BRWD3: variants seen among roughly 807,000 people sequenced by gnomAD.
The protein encoded by BRWD3 is bromodomain and WD repeat domain containing 3.
A neutral mutation model predicts 149.7 loss-of-function variants in BRWD3; 10 were observed. That is an observed-to-expected ratio of 0.07 (90% confidence interval 0.04 to 0.11). The LOEUF is 0.11. Ranked by LOEUF, BRWD3 falls within the 10% of genes least tolerant of loss-of-function variation. BRWD3 has a pLI of 1.00. For missense variants in BRWD3, 940 were observed against 1,373.2 expected (o/e 0.68, Z 4.99); for synonymous variants, 504 against 456.7 (o/e 1.10, Z -1.32).
At chrX:80,726,028 T>C (rs1026433402) in intron 14 of BRWD3, among the ~76,000 whole-genome samples, 4 of 93,751 alleles carry the variant, frequency 4.3e-5, no homozygotes, top group African/African-American at 2.1e-4. Context: ...CTATATAACA[T>C]ATAACATGTT....
intron 4 of BRWD3, among the ~76,000 whole-genome samples, chrX:80,798,716 G>C (rs1253538819): frequency 9.0e-6 from 1 of 111,183 alleles, no homozygotes; most frequent in Non-Finnish European, 1.9e-5. Context: ...AGGATCACTT[G>C]AGGCCAAGAG....
chrX:80,742,583 T>G (rs1409552871), intron 8 of BRWD3, among the ~76,000 whole-genome samples: 13 of 110,220 alleles, frequency 1.2e-4, no homozygotes, highest in Admixed American at 1.9e-4. Context: ...TGAGCAGTGG[T>G]TTGCAGTTCT....
chrX:80,674,070 G>T lies in BRWD3; in HGVS notation c.*2539C>A, dbSNP rs1430735760. The stretch of plus-strand genomic sequence containing the variant: ...ATTTTCACACTTATTAAAATAATTT[G>T]CATGCAAACAGAAAATTATCTGTTT... On this transcript the variant is annotated 3_prime_UTR_variant, in exon 41 of 41. Transcript: ENST00000373275. 2.7e-5 allele frequency: 3 copies of T among 111,373 alleles called. No individual in the cohort carries two copies. Among genetic ancestry groups the T allele is most frequent in the African/African-American group, 9.8e-5 (3 of 30,716 alleles). 9.2% of individuals were successfully genotyped at this position (111,373 alleles called of 1,213,427 possible). A position where few individuals can be genotyped will look rare whatever the true frequency, so the allele number is the denominator to read the frequency against.
Position 80,722,707 on chromosome X carries a change from G to A in BRWD3, c.1731C>T (p.Thr577=). 8.3e-7 allele frequency: 1 copy of A among 1,210,488 alleles called. No homozygotes were observed. The highest frequency in any genetic ancestry group is 1.1e-6 in the Non-Finnish European group (1 of 894,432). ...DANNYVLDEQ[T]QQAPHLMPPP... ...GAGGCATGAGGTGAGGAGCTTGTTGGGTTTGTTCATCCAATACATAGTTAT... is the reference window on the plus strand; with the variant it reads ...GAGGCATGAGGTGAGGAGCTTGTTGAGTTTGTTCATCCAATACATAGTTAT... The change falls in exon 17 of 41, where the codon ACC becomes ACT. Residue 577 remains threonine, a synonymous_variant. Coordinates refer to ENST00000373275, the MANE Select transcript of BRWD3 (RefSeq NM_153252.5).
rs200718968 is a variant in BRWD3, at chrX:80,698,601, C to T, written c.2943+1356G>A. ...GTGGGTGCATGTAATCCCAGTTACTCGAGAGGCTGAGGCAGGAGAATTTCT... is the reference window on the plus strand; with the variant it reads ...GTGGGTGCATGTAATCCCAGTTACTTGAGAGGCTGAGGCAGGAGAATTTCT... On this transcript the variant is annotated intron_variant, in intron 25 of 40. Transcript: ENST00000373275. Among the ~76,000 whole-genome samples, 7 of 109,239 alleles carry T rather than the reference C, an allele frequency of 6.4e-5. No homozygotes were observed. In the East Asian group the frequency reaches 2.0e-3, roughly 32 times the overall value. 94.9% of individuals were successfully genotyped at this position (109,239 alleles called of 115,157 possible).
At chrX:80,779,623 T>C (rs773041756) in intron 6 of BRWD3, among the ~76,000 whole-genome samples, 1 of 111,420 alleles carries the variant, frequency 9.0e-6, no homozygotes, top group Admixed American at 9.6e-5. Flanking sequence ...TGAAGCTTCG[T>C]TGGGGGTTTC....
chrX:80,678,465 A>T (rs1602295047), intron 40 of BRWD3, among the ~76,000 whole-genome samples: 3 of 111,481 alleles, frequency 2.7e-5, no homozygotes, highest in Non-Finnish European at 3.8e-5. Context: ...AAGACAAGAC[A>T]TTTTTTTAAA....
intron 6 of BRWD3, among the ~76,000 whole-genome samples, chrX:80,771,757 A>G (rs1302130557): frequency 8.9e-6 from 1 of 112,131 alleles, no homozygotes; most frequent in Non-Finnish European, 1.9e-5. Context: ...CAAAGAACTC[A>G]AACAAATTTA....
chrX:80,696,549 C>T (rs2072699236), intron 26 of BRWD3, among the ~76,000 whole-genome samples, 190 bp downstream of exon 26: 1 of 109,135 alleles, frequency 9.2e-6, no homozygotes, highest in African/African-American at 3.3e-5. Flanking sequence ...CACACACACA[C>T]ACACACACAC....
chrX:80,726,182 A>G (rs936403425), intron 14 of BRWD3, among the ~76,000 whole-genome samples: 4 of 107,129 alleles, frequency 3.7e-5, no homozygotes, highest in African/African-American at 6.7e-5. Flanking sequence ...ATGTCTGTAT[A>G]ACATATAACA....
intron 4 of BRWD3, among the ~76,000 whole-genome samples, chrX:80,800,574 CAA>C (rs397975584): frequency 1.2e-5 from 1 of 86,440 alleles, no homozygotes. Context: ...AATACTTGTA[CAA>C]AAAAAAAAAC....
At chrX:80,722,234 T>A (rs1300037099) in intron 17 of BRWD3, among the ~76,000 whole-genome samples, 1 of 112,001 alleles carries the variant, frequency 8.9e-6, no homozygotes, top group East Asian at 2.8e-4. Flanking sequence ...AGCAGTGGAA[T>A]TCCATCAGTT....
chrX:80,709,317 A>G (rs2072922468), intron 21 of BRWD3, 111 bp downstream of exon 21: 1 of 576,474 alleles, frequency 1.7e-6, no homozygotes, highest in Non-Finnish European at 2.6e-6. Context: ...ATCTCTTATA[A>G]GAATATAATT....
intron 6 of BRWD3, among the ~76,000 whole-genome samples, chrX:80,747,865 T>C (rs2073614496): frequency 8.9e-6 from 1 of 112,131 alleles, no homozygotes; most frequent in South Asian, 3.7e-4. Flanking sequence ...TATAAGATCA[T>C]GTCATCAGAA....
At chrX:80,718,428 C>T (rs1333777501) in intron 18 of BRWD3, among the ~76,000 whole-genome samples, 1 of 111,451 alleles carries the variant, frequency 9.0e-6, no homozygotes, top group African/African-American at 3.3e-5. Context: ...TTGACTAATG[C>T]CATTTCTAAT....
chrX:80,765,780 C>T (rs1393626177), intron 6 of BRWD3, among the ~76,000 whole-genome samples: 4 of 111,727 alleles, frequency 3.6e-5, no homozygotes, highest in Non-Finnish European at 1.9e-5. Flanking sequence ...AAAGTAAACA[C>T]CACTCAAGGA....
chrX:80,774,325 G>A (rs1477040435), intron 6 of BRWD3, among the ~76,000 whole-genome samples: 1 of 108,575 alleles, frequency 9.2e-6, no homozygotes, highest in Non-Finnish European at 1.9e-5. Context: ...GCAGTGTACT[G>A]GCACATCGGC....
chrX:80,685,685 G>A (rs1288248760), intron 35 of BRWD3, 149 bp from the exon 36 acceptor site: 4 of 483,275 alleles, frequency 8.3e-6, no homozygotes, highest in Non-Finnish European at 1.4e-5. Context: ...TTGTACATTC[G>A]TCATTCTCCT....
intron 6 of BRWD3, among the ~76,000 whole-genome samples, chrX:80,779,630 T>C (rs1189560536): frequency 9.0e-6 from 1 of 110,593 alleles, no homozygotes; most frequent in Non-Finnish European, 1.9e-5. Flanking sequence ...TCGTTGGGGG[T>C]TTCCTAAAAT....
Sources: allele counts gnomAD v4.1 joint callset (sites outside exome capture counted in the v4.1 genomes callset), GRCh38; gene constraint gnomAD v4.1.1; transcripts MANE v1.5; gene names NCBI Gene and HGNC (gene_info 2026-07-23, HGNC 2026-07-21).